The following MMP16 variants were observed in gnomAD, a reference collection of about 807,000 sequenced individuals.
MMP16 encodes the protein matrix metallopeptidase 16.
Under a neutral mutation model 67.8 loss-of-function variants are expected in MMP16, and 12 were observed. The observed-to-expected ratio is 0.18, with a 90% CI of 0.11 to 0.29. The LOEUF (loss-of-function observed/expected upper bound fraction) is 0.29, where lower values mean the gene tolerates loss of function less well. Among genes scored for constraint, MMP16 ranks in the 10% least tolerant of loss-of-function variants. MMP16 has a pLI of 1.00. For missense variants in MMP16, 475 were observed against 765.7 expected (o/e 0.62, Z 4.48); for synonymous variants, 249 against 255.9 (o/e 0.97, Z 0.26).
chr8:88,153,875 T>C (rs1808456638), intron 4 of MMP16, among the ~76,000 whole-genome samples: 1 of 151,908 alleles, frequency 6.6e-6, no homozygotes, highest in African/African-American at 2.4e-5. Context: ...TGGGATCTAA[T>C]TAAACTAAAG....
At chr8:88,090,659 T>A (rs967979844) in intron 6 of MMP16, among the ~76,000 whole-genome samples, 7 of 151,806 alleles carry the variant, frequency 4.6e-5, no homozygotes, top group Non-Finnish European at 1.0e-4. Flanking sequence ...ATTAAAAAAA[T>A]TACTTTAATA....
chr8:88,306,406 G>C (rs1811211981), intron 1 of MMP16, among the ~76,000 whole-genome samples: 1 of 152,042 alleles, frequency 6.6e-6, no homozygotes, highest in Non-Finnish European at 1.5e-5. Context: ...AAATTGAAAA[G>C]GAGGGACACT....
chr8:88,133,805 A>G (rs1325245266), intron 4 of MMP16, among the ~76,000 whole-genome samples: 3 of 151,856 alleles, frequency 2.0e-5, no homozygotes. Flanking sequence ...GGTTCGCATT[A>G]TAACTATCAT....
chr8:88,116,451 AAG>A, intron 6 of MMP16, 54 bp downstream of exon 6: 1 of 1,459,852 alleles, frequency 6.9e-7, no homozygotes, highest in Non-Finnish European at 9.5e-7. Context: ...TTGTTTTCTA[AAG>A]CAACACTAGA....
chr8:88,294,788 A>G (rs1563587157), intron 1 of MMP16, among the ~76,000 whole-genome samples: 1 of 152,106 alleles, frequency 6.6e-6, no homozygotes, highest in Non-Finnish European at 1.5e-5. Flanking sequence ...AATCTTGACT[A>G]ACTGCACCTC....
chr8:88,156,616 AG>A lies in MMP16; in HGVS notation c.709+11052del, dbSNP rs529343391. ...GTATGGTTGTAATTCTGCAAAAAAAAGTTACAAAACTAAAGTAAAAAGCTGT... is the reference window on the plus strand; with the variant it reads ...GTATGGTTGTAATTCTGCAAAAAAAATTACAAAACTAAAGTAAAAAGCTGT... On this transcript the variant is annotated intron_variant, in intron 4 of 9. Transcript: ENST00000286614. 1.0e-3 allele frequency among the ~76,000 whole-genome samples: 153 copies of A among 152,280 alleles called. 1 individual carries two copies. The highest frequency in any genetic ancestry group is 1.5e-3 in the Non-Finnish European group (104 of 68,022).
chr8:88,106,846 T>C (rs1453364866), intron 6 of MMP16, among the ~76,000 whole-genome samples: 1 of 151,166 alleles, frequency 6.6e-6, no homozygotes, highest in East Asian at 2.0e-4. Flanking sequence ...TTCCTACATG[T>C]GTATTGCTTT....
At chr8:88,210,122 C>T (rs960398781) in intron 1 of MMP16, among the ~76,000 whole-genome samples, 1 of 152,120 alleles carries the variant, frequency 6.6e-6, no homozygotes, top group African/African-American at 2.4e-5. Context: ...CCTCAGACTT[C>T]TAGCCTCCAA....
At chr8:88,266,255 A>T (rs371787773) in intron 1 of MMP16, among the ~76,000 whole-genome samples, 1 of 152,290 alleles carries the variant, frequency 6.6e-6, no homozygotes, top group East Asian at 1.9e-4. Context: ...CTTCAGGTCT[A>T]TTATTCTGTC....
At chr8:88,048,917 C>T (rs934615585) in intron 8 of MMP16, among the ~76,000 whole-genome samples, 6 of 152,168 alleles carry the variant, frequency 3.9e-5, no homozygotes, top group African/African-American at 1.4e-4. Context: ...TAACAGAGCT[C>T]TGGGGTCCTG....
intron 1 of MMP16, among the ~76,000 whole-genome samples, chr8:88,220,732 A>G (rs1809669020): frequency 6.6e-6 from 1 of 152,122 alleles, no homozygotes; most frequent in Non-Finnish European, 1.5e-5. Flanking sequence ...AGTGAAGTCA[A>G]CGTGAGGTGG....
intron 1 of MMP16, among the ~76,000 whole-genome samples, chr8:88,216,174 A>G (rs538947690): frequency 1.1e-4 from 17 of 152,198 alleles, no homozygotes; most frequent in Non-Finnish European, 1.9e-4. Flanking sequence ...TGTTCTAGTA[A>G]TCTGGCATTA....
intron 3 of MMP16, among the ~76,000 whole-genome samples, chr8:88,169,776 G>A (rs1323773050): frequency 6.6e-6 from 1 of 152,102 alleles, no homozygotes; most frequent in Non-Finnish European, 1.5e-5. Flanking sequence ...CACAGAGAGA[G>A]AGCAAGTGTC....
chr8:88,063,332 G>A (rs1808424628), intron 7 of MMP16, among the ~76,000 whole-genome samples: 8 of 151,962 alleles, frequency 5.3e-5, no homozygotes, highest in Admixed American at 5.3e-4. Context: ...AGTCAACCAG[G>A]AGCTGCAGAA....
intron 9 of MMP16, among the ~76,000 whole-genome samples, chr8:88,045,064 T>C (rs1395198317): frequency 6.6e-6 from 1 of 152,200 alleles, no homozygotes; most frequent in Non-Finnish European, 1.5e-5. Flanking sequence ...ATACAAGTAA[T>C]ATCTTAACTT....
chr8:88,306,399 T>C (rs937437451), intron 1 of MMP16, among the ~76,000 whole-genome samples: 3 of 152,018 alleles, frequency 2.0e-5, no homozygotes, highest in Non-Finnish European at 4.4e-5. Flanking sequence ...TTCCAAAAAA[T>C]TGAAAAGGAG....
rs190287408 is a variant in MMP16, at chr8:88,267,964, C to T, written c.132+59111G>A. Among the ~76,000 whole-genome samples, 360 of 152,064 alleles carry T rather than the reference C, an allele frequency of 2.4e-3. 2 individuals are homozygous for T. In the Middle Eastern group the frequency reaches 0.027, roughly 11 times the overall value. On this transcript the variant is annotated intron_variant, in intron 1 of 9. Transcript: ENST00000286614. ...TTTAATATAGTTTAAATTAAAAAGG[C>T]TACATTTATGCAAGGTTTTATCTGT...
chr8:88,128,904 AAAG>A (rs1476238592), intron 4 of MMP16, among the ~76,000 whole-genome samples: 26 of 151,874 alleles, frequency 1.7e-4, no homozygotes, highest in African/African-American at 5.3e-4. Context: ...TCCACCTCCT[AAAG>A]AAGAATAAAT....
At chr8:88,293,241 T>C (rs2130022895) in intron 1 of MMP16, among the ~76,000 whole-genome samples, 1 of 152,284 alleles carries the variant, frequency 6.6e-6, no homozygotes, top group East Asian at 1.9e-4. Flanking sequence ...TATGTCTTAC[T>C]ACCTTCCCTC....
Sources: gnomAD v4.1 joint callset for allele counts (sites outside exome capture counted in the v4.1 genomes callset) on GRCh38, gnomAD v4.1.1 for gene constraint, MANE v1.5 for transcripts, NCBI Gene and HGNC (gene_info 2026-07-23, HGNC 2026-07-21) for gene names.